GTF2IRD2B: variants seen among roughly 807,000 people sequenced by gnomAD.
The protein encoded by GTF2IRD2B is general transcription factor II-I repeat domain-containing protein 2B.
A neutral mutation model predicts 55.6 loss-of-function variants in GTF2IRD2B; 10 were observed. The observed-to-expected ratio is 0.18, with a 90% CI of 0.11 to 0.31. The LOEUF (loss-of-function observed/expected upper bound fraction) is 0.31, where lower values mean the gene tolerates loss of function less well. Ranked by LOEUF, GTF2IRD2B falls within the 10% of genes least tolerant of loss-of-function variation. The probability of loss-of-function intolerance (pLI) is 1.00; values close to 1 mark genes in which losing one functional copy is unlikely to be tolerated. For synonymous variants in GTF2IRD2B, 107 were observed against 320.5 expected, an observed-to-expected ratio of 0.33 and a Z score of 7.12; for missense variants, 206 against 802.7, an observed-to-expected ratio of 0.26 and a Z score of 8.98.
chr7:75,101,346 G>A (rs1554449521), intron 1 of GTF2IRD2B, among the ~76,000 whole-genome samples: 1 of 151,344 alleles, frequency 6.6e-6, no homozygotes, highest in Admixed American at 6.6e-5. Context: ...GAGGTGGAAG[G>A]ATTGTTTGAG....
chr7:75,092,826 T>G (rs1807290248), intron 1 of GTF2IRD2B, 61 bp downstream of exon 1: 1 of 153,342 alleles, frequency 6.5e-6, no homozygotes, highest in African/African-American at 2.4e-5. Context: ...GGGTTGCCTT[T>G]CGGAACGTCC....
chr7:75,136,145 G>GATA (rs55650303), intron 10 of GTF2IRD2B, among the ~76,000 whole-genome samples: 7,588 of 91,192 alleles, frequency 0.083, 251 homozygotes, highest in African/African-American at 0.1. Flanking sequence ...TCTCAATAAT[G>GATA]ATAATAATAA....
chr7:75,127,468 CAAAA>C (rs71246071), intron 8 of GTF2IRD2B, among the ~76,000 whole-genome samples: 23 of 33,134 alleles, frequency 6.9e-4, no homozygotes, highest in Non-Finnish European at 1.2e-3. Context: ...GACGTTGTCT[CAAAA>C]AAAAAAAAAA....
chr7:75,101,558 G>C (rs1807558423), intron 1 of GTF2IRD2B, among the ~76,000 whole-genome samples: 1 of 150,968 alleles, frequency 6.6e-6, no homozygotes, highest in Admixed American at 6.6e-5. Flanking sequence ...ACTTCAGCCT[G>C]GGTGACAGAA....
At chr7:75,096,675 C>T (rs1194985454) in intron 1 of GTF2IRD2B, among the ~76,000 whole-genome samples, 5 of 147,588 alleles carry the variant, frequency 3.4e-5, no homozygotes, top group Non-Finnish European at 7.4e-5. Flanking sequence ...ATCCACCTGC[C>T]TCAGCCTCCC....
rs1808316700 is a variant in GTF2IRD2B, at chr7:75,120,068, G to T, written c.239-823G>T. On this transcript the variant is annotated intron_variant, in intron 3 of 15. Coordinates refer to ENST00000472837, the MANE Select transcript of GTF2IRD2B (RefSeq NM_001003795.3). ...GGCGTGAACCCGGGAGGCAGAACTT[G>T]CAGTGAGTGGAGAACATGCCACTGC... Among the ~76,000 whole-genome samples, 2 of 127,742 alleles carry T rather than the reference G, an allele frequency of 1.6e-5. 1 individual carries two copies. Among genetic ancestry groups the T allele is most frequent in the Non-Finnish European group, 3.2e-5 (2 of 62,258 alleles). 83.8% of individuals were successfully genotyped at this position (127,742 alleles called of 152,430 possible). A position where few individuals can be genotyped will look rare whatever the true frequency, so the allele number is the denominator to read the frequency against.
At chr7:75,105,896 G>A (rs1807785047) in intron 1 of GTF2IRD2B, among the ~76,000 whole-genome samples, 1 of 152,428 alleles carries the variant, frequency 6.6e-6, no homozygotes, top group African/African-American at 2.4e-5. Flanking sequence ...AACCCAGGCT[G>A]CTGTGGTGGT....
intron 1 of GTF2IRD2B, among the ~76,000 whole-genome samples, chr7:75,107,398 A>G (rs1283918256): frequency 6.7e-6 from 1 of 150,208 alleles, no homozygotes; most frequent in Non-Finnish European, 1.5e-5. Flanking sequence ...ACATGGTGAA[A>G]CCCCGTCTCT....
chr7:75,120,161 A>G, intron 3 of GTF2IRD2B, among the ~76,000 whole-genome samples: 1 of 87,798 alleles, frequency 1.1e-5, no homozygotes, highest in Admixed American at 1.2e-4. Context: ...AGAAAACTAT[A>G]CTTGTGCCCC....
Position 75,123,286 on chromosome 7 carries a change from A to C in GTF2IRD2B, c.509A>C (p.Glu170Ala), listed in dbSNP as rs782318640. 1 of 1,207,568 alleles carries C rather than the reference A, an allele frequency of 8.3e-7. No individual in the cohort carries two copies. The highest frequency in any genetic ancestry group is 1.1e-6 in the Non-Finnish European group (1 of 873,962). The allele number at this position is 1,207,568 out of a possible 1,614,324, so 74.8% of individuals were successfully genotyped here. The change falls in exon 5 of 16, where the codon GAG becomes GCG. Residue 170 changes from glutamate to alanine, a missense_variant. Coordinates refer to ENST00000472837, the MANE Select transcript of GTF2IRD2B (RefSeq NM_001003795.3). ...CTTGCAACCCTGAAATGGATTTTGG[A>C]GAACAAAGCAGGGATTTCATTCATC... The part of the protein sequence containing the change: ...YDLATLKWIL[E>A]NKAGISFIIN...
rs199834582 is a variant in GTF2IRD2B at position 75,147,955 on chromosome 7, C to A, written c.1508C>A (p.Thr503Asn). Reference protein sequence around the residue: ...LRKYLLGSSDTECPEQKQVFA... With the variant: ...LRKYLLGSSDNECPEQKQVFA... ...AAGTATCTCTTAGGCTCGTCAGACA[C>A]CGAGTGTCCCGAGCAAAAACAAGTG... The change falls in exon 16 of 16, where the codon ACC (threonine) becomes AAC (asparagine). Residue 503 changes from threonine (T) to asparagine (N), a missense_variant. Coordinates refer to ENST00000472837, the MANE Select transcript of GTF2IRD2B (RefSeq NM_001003795.3). The A allele has an allele frequency of 9.9e-5, 160 of 1,608,042 alleles. No individual in the cohort carries two copies. The African/African-American group carries it at 1.9e-3, about 19-fold the overall frequency.
chr7:75,105,494 A>G (rs1807763922), intron 1 of GTF2IRD2B, among the ~76,000 whole-genome samples: 1 of 152,424 alleles, frequency 6.6e-6, no homozygotes, highest in Non-Finnish European at 1.5e-5. Flanking sequence ...ACAGAGTGAT[A>G]TTCCACCTCA....
chr7:75,130,603 G>A (rs1554452871), intron 8 of GTF2IRD2B, among the ~76,000 whole-genome samples: 2 of 151,546 alleles, frequency 1.3e-5, no homozygotes, highest in African/African-American at 4.9e-5. Flanking sequence ...TCAGCCTTCT[G>A]AGTAGCTGGG....
intron 12 of GTF2IRD2B, among the ~76,000 whole-genome samples, chr7:75,139,613 G>A (rs1472113226): frequency 2.4e-5 from 3 of 123,118 alleles, no homozygotes; most frequent in Admixed American, 7.8e-5. Flanking sequence ...CAGCCTGGGC[G>A]ACAGAGTGAG....
chr7:75,149,158 ATTGCGCAAAGATTCT>A lies in GTF2IRD2B; in HGVS notation c.2714_2728del (p.Cys905_Leu909del), dbSNP rs1453341191. On this transcript the variant is annotated inframe_deletion, in exon 16 of 16. Transcript: ENST00000472837. ...GGTAGCTACCCGAAATACAAGCACC[ATTGCGCAAAGATTCT>A]TTCCATGTTCGGGAGCACCTACATC... 1.5e-6 allele frequency: 1 copy of A among 661,560 alleles called. No homozygotes were observed. Among genetic ancestry groups the A allele is most frequent in the Non-Finnish European group, 2.8e-6 (1 of 361,626 alleles). The allele number at this position is 661,560 out of a possible 1,614,324, so 41.0% of individuals were successfully genotyped here.
In GTF2IRD2B at chr7:75,119,191, C is replaced by CAAAAAAAA. The variant is rs71229657; in HGVS notation, c.239-1667_239-1660dup. On this transcript the variant is annotated intron_variant, in intron 3 of 15. Transcript: ENST00000472837. ...CTTAGGCGACAGAGTAAGACTCTCT[C>CAAAAAAAA]AAAAAAAAAAAAAAAAAAAAAAAAA... Among the ~76,000 whole-genome samples the CAAAAAAAA allele has an allele frequency of 6.0e-3, 31 of 5,136 alleles. 7 individuals are homozygous for CAAAAAAAA. The highest frequency in any genetic ancestry group is 0.024 in the African/African-American group (16 of 672). The allele number at this position is 5,136 out of a possible 152,430, so 3.4% of individuals were successfully genotyped here.
At chr7:75,100,061 C>T (rs1554449323) in intron 1 of GTF2IRD2B, among the ~76,000 whole-genome samples, 2 of 105,780 alleles carry the variant, frequency 1.9e-5, no homozygotes, top group Non-Finnish European at 4.0e-5. Context: ...TTAAGACCAT[C>T]CTGGCTAACA....
chr7:75,148,284 T>A lies in GTF2IRD2B; in HGVS notation c.1837T>A (p.Leu613Ile). 1.9e-6 allele frequency: 3 copies of A among 1,613,310 alleles called. No individual in the cohort carries two copies. Among genetic ancestry groups the A allele is most frequent in the Non-Finnish European group, 2.5e-6 (3 of 1,179,778 alleles). Residue 613 changes from leucine to isoleucine, a missense_variant, in exon 16 of 16, where the codon TTA (leucine) becomes ATA (isoleucine). Physicochemically the swap from Leu to Ile is conservative, Grantham distance 5 (BLOSUM62 2). Transcript: ENST00000472837. Reference protein sequence around the residue: ...LKKFCINWSRLVSVASTGTPA... With the variant: ...LKKFCINWSRIVSVASTGTPA... Reference sequence around the variant, plus strand: ...AAAGTTCTGTATCAACTGGTCGAGATTAGTAAGCGTGGCCTCCACTGGCAC... The same window carrying A: ...AAAGTTCTGTATCAACTGGTCGAGAATAGTAAGCGTGGCCTCCACTGGCAC...
Position 75,148,319 on chromosome 7 carries a change from G to T in GTF2IRD2B, c.1872G>T (p.Met624Ile). The change falls in exon 16 of 16, where the codon ATG becomes ATT. Residue 624 changes from methionine (M) to isoleucine (I), a missense_variant. Met to Ile is a conservative substitution (Grantham distance 10, BLOSUM62 1). Transcript: ENST00000472837. ...VSVASTGTPA[M>I]VDANNGLVTK... ...TGGCCTCCACTGGCACCCCAGCGAT[G>T]GTGGATGCCAATAACGGGCTTGTCA... 6.2e-7 allele frequency: 1 copy of T among 1,613,614 alleles called. No homozygotes were observed. The highest frequency in any genetic ancestry group is 8.5e-7 in the Non-Finnish European group (1 of 1,179,816).
Sources: allele counts gnomAD v4.1 joint callset (sites outside exome capture counted in the v4.1 genomes callset), GRCh38; gene constraint gnomAD v4.1.1; transcripts MANE v1.5; gene names NCBI Gene and HGNC (gene_info 2026-07-23, HGNC 2026-07-21).